ZNF469: variants seen among roughly 807,000 people sequenced by gnomAD.
ZNF469 encodes zinc finger protein 469.
ZNF469 carries 1 observed loss-of-function variant against 1.0 expected under a neutral mutation model. That is an observed-to-expected ratio of 1.00 (90% CI 0.35 to 4.73). The LOEUF is 4.73. ZNF469 is among the 30% of genes most tolerant of loss of function. The probability of loss-of-function intolerance (pLI) is 0.16; values close to 1 mark genes in which losing one functional copy is unlikely to be tolerated. For missense variants in ZNF469, 6,100 were observed against 5,356.3 expected, an observed-to-expected ratio of 1.14 and a Z score of -4.33; for synonymous variants, 2,703 against 2,363.4, an observed-to-expected ratio of 1.14 and a Z score of -4.17.
the ZNF469 span, among the ~76,000 whole-genome samples, chr16:88,251,977 T>C: frequency 6.6e-6 from 1 of 151,148 alleles, no homozygotes; most frequent in Non-Finnish European, 1.5e-5. Context: ...TGCTCAGATT[T>C]AGGGTCTCGG....
chr16:88,153,137 C>T, the ZNF469 span, among the ~76,000 whole-genome samples: 1 of 152,206 alleles, frequency 6.6e-6, no homozygotes, highest in East Asian at 1.9e-4. Context: ...CAGTGCCCAG[C>T]ACAGGCTGGA....
At chr16:88,117,266 G>C in the ZNF469 span, among the ~76,000 whole-genome samples, 1 of 151,998 alleles carries the variant, frequency 6.6e-6, no homozygotes, top group Non-Finnish European at 1.5e-5. Flanking sequence ...GGACGTGTGA[G>C]AGCTGGGGGC....
chr16:88,164,792 T>C, the ZNF469 span, among the ~76,000 whole-genome samples: 1 of 152,016 alleles, frequency 6.6e-6, no homozygotes, highest in Admixed American at 6.6e-5. Context: ...GGGCCTTGGG[T>C]TTCTGGGTGG....
chr16:88,316,177 G>A, the ZNF469 span, among the ~76,000 whole-genome samples: 18 of 152,334 alleles, frequency 1.2e-4, no homozygotes, highest in African/African-American at 2.9e-4. Flanking sequence ...CGGAATCTCC[G>A]GGGCAGTTTT....
In ZNF469 at chr16:88,432,815, C is replaced by A. The variant is rs946453796; in HGVS notation, c.5345C>A (p.Thr1782Lys). ...QRGGFLPEPG[T>K]ADQPHRGAPA... ...GGAGGGTTCCTCCCAGAGCCCGGCACAGCAGACCAGCCCCACCGAGGGGCC... is the reference window on the plus strand; with the variant it reads ...GGAGGGTTCCTCCCAGAGCCCGGCAAAGCAGACCAGCCCCACCGAGGGGCC... The change falls in exon 3 of 3, where the codon ACA becomes AAA. Residue 1782 changes from threonine (T) to lysine (K), a missense_variant. Physicochemically the swap from Thr to Lys is moderately conservative, Grantham distance 78. Transcript: ENST00000565624. 4.5e-6 allele frequency: 7 copies of A among 1,550,260 alleles called. No homozygotes were observed. In the South Asian group the frequency reaches 8.3e-5, roughly 18 times the overall value.
the ZNF469 span, among the ~76,000 whole-genome samples, chr16:88,347,807 C>T: frequency 1.3e-5 from 2 of 152,248 alleles, no homozygotes; most frequent in African/African-American, 2.4e-5. Context: ...AGCACCCACC[C>T]GCCTCCTGGG....
At chr16:88,261,980 C>G in the ZNF469 span, among the ~76,000 whole-genome samples, 1 of 152,164 alleles carries the variant, frequency 6.6e-6, no homozygotes, top group Non-Finnish European at 1.5e-5. This position sits in a 1 kb window ranked among gnomAD's most constrained non-coding sequence, Gnocchi z 6.0. Context: ...GCTGAAGCTC[C>G]GGCCTCCTCT....
chr16:88,399,743 C>T (rs1904800562), intron 1 of ZNF469, among the ~76,000 whole-genome samples: 1 of 152,256 alleles, frequency 6.6e-6, no homozygotes, highest in African/African-American at 2.4e-5. Flanking sequence ...ACCAGCTGTG[C>T]ACCCCTCTCT....
At chr16:88,352,109 G>A in the ZNF469 span, among the ~76,000 whole-genome samples, 24 of 152,276 alleles carry the variant, frequency 1.6e-4, no homozygotes, top group South Asian at 4.2e-4. Context: ...CCATGGGTGC[G>A]AGGGGCTGGG....
At chr16:88,380,077 G>A (rs1396152831), upstream of ZNF469, among the ~76,000 whole-genome samples, 2 of 151,700 alleles carry the variant, frequency 1.3e-5, no homozygotes, top group Non-Finnish European at 2.9e-5. Flanking sequence ...ACACAGACAC[G>A]CACTCACACA....
At chr16:88,417,362 A>G (rs1905330536) in intron 1 of ZNF469, among the ~76,000 whole-genome samples, 3 of 152,206 alleles carry the variant, frequency 2.0e-5, no homozygotes, top group Admixed American at 2.0e-4. Flanking sequence ...CCAATGAGAG[A>G]AAGGCACCCC....
rs1208671776 is a variant in ZNF469 at position 88,434,127 on chromosome 16, C to T, written c.6657C>T (p.Gly2219=). Residue 2219 remains glycine, a synonymous_variant, in exon 3 of 3, where the codon GGC becomes GGT. Transcript: ENST00000565624. ...CTGGTTGCCTTCTCCAGGGGGAGGG[C>T]AGCCCCCTGGAAGACCCTTCCTCCT... ...ALAGCLLQGE[G]SPLEDPSSWP... 6.5e-7 allele frequency: 1 copy of T among 1,550,208 alleles called. No homozygotes were observed. The highest frequency in any genetic ancestry group is 1.2e-5 in the South Asian group (1 of 84,070).
At chr16:88,112,863 T>C in the ZNF469 span, among the ~76,000 whole-genome samples, 8 of 142,546 alleles carry the variant, frequency 5.6e-5, no homozygotes, top group East Asian at 9.4e-4. Context: ...CTGCAAGCTC[T>C]GCCTCCCGGG....
chr16:88,154,637 T>C, the ZNF469 span, among the ~76,000 whole-genome samples: 1 of 152,246 alleles, frequency 6.6e-6, no homozygotes, highest in Non-Finnish European at 1.5e-5. Context: ...AGAGAAGGGC[T>C]GGCTGCTCAC....
intron 1 of ZNF469, among the ~76,000 whole-genome samples, chr16:88,389,920 G>A (rs1904438274): frequency 6.6e-6 from 1 of 152,208 alleles, no homozygotes; most frequent in Non-Finnish European, 1.5e-5. Context: ...CACATGCAGG[G>A]CCAGGTGCTT....
At chr16:88,272,648 G>A in the ZNF469 span, among the ~76,000 whole-genome samples, 8 of 151,986 alleles carry the variant, frequency 5.3e-5, no homozygotes, top group African/African-American at 1.7e-4. Flanking sequence ...ATGGGTAGAC[G>A]AGTGGACAGA....
the ZNF469 span, among the ~76,000 whole-genome samples, chr16:88,365,628 A>C: frequency 6.6e-6 from 1 of 152,114 alleles, no homozygotes; most frequent in Non-Finnish European, 1.5e-5. Flanking sequence ...GCCTTTTCTC[A>C]GCTGGTCCAT....
chr16:88,129,764 G>A, the ZNF469 span, among the ~76,000 whole-genome samples: 4 of 152,322 alleles, frequency 2.6e-5, no homozygotes, highest in African/African-American at 7.2e-5. Context: ...GGAGGGCTGC[G>A]GTGGGAGGAT....
At chr16:88,218,031 T>C in the ZNF469 span, among the ~76,000 whole-genome samples, 1 of 135,384 alleles carries the variant, frequency 7.4e-6, no homozygotes, top group Non-Finnish European at 1.6e-5. Context: ...ACTTCCACAA[T>C]GGTTGAACTA....
Sources: gnomAD v4.1 joint callset for allele counts (sites outside exome capture counted in the v4.1 genomes callset) on GRCh38, gnomAD v4.1.1 for gene constraint, Gnocchi (gnomAD v3.1) non-coding constraint, MANE v1.5 for transcripts, NCBI Gene and HGNC (gene_info 2026-07-23, HGNC 2026-07-21) for gene names.